Variants in RBFOX1 observed in about 807,000 individuals in gnomAD.
The protein encoded by RBFOX1 is RNA binding fox-1 homolog 1.
Under a neutral mutation model 57.7 loss-of-function variants are expected in RBFOX1, and 8 were observed. That is an observed-to-expected ratio of 0.14 (90% CI 0.08 to 0.25). The LOEUF is 0.25. Among genes scored for constraint, RBFOX1 ranks in the 10% least tolerant of loss-of-function variants. The probability of loss-of-function intolerance (pLI) is 1.00; values close to 1 mark genes in which losing one functional copy is unlikely to be tolerated. For synonymous variants in RBFOX1, 326 were observed against 222.4 expected (o/e 1.47, Z -4.15); for missense variants, 611 against 548.5 (o/e 1.11, Z -1.14).
chr16:6,092,622 C>A (rs1444619876), intron 1 of RBFOX1: 2 of 152,106 alleles, frequency 1.3e-5, no homozygotes, highest in African/African-American at 2.4e-5. Flanking sequence ...GTCAGTTATC[C>A]CAGTACCATT....
intron 1 of RBFOX1, among the ~76,000 whole-genome samples, chr16:6,074,901 G>T (rs548197056): frequency 6.6e-6 from 1 of 152,198 alleles, no homozygotes; most frequent in African/African-American, 2.4e-5. Context: ...AGGACTTTGA[G>T]ACCAGCCTAG....
intron 3 of RBFOX1, among the ~76,000 whole-genome samples, chr16:5,707,788 A>T (rs550204692): frequency 6.6e-6 from 1 of 152,334 alleles, no homozygotes; most frequent in South Asian, 2.1e-4. Flanking sequence ...GACATGGTGG[A>T]ATACTTGCTG....
intron 2 of RBFOX1, among the ~76,000 whole-genome samples, chr16:5,491,935 TG>T (rs1215649107): frequency 1.3e-5 from 2 of 152,222 alleles, no homozygotes; most frequent in African/African-American, 2.4e-5. Flanking sequence ...TAAGTTGGTC[TG>T]GGGTGGGGCC....
chr16:7,647,273 C>T (rs976210459), intron 11 of RBFOX1, among the ~76,000 whole-genome samples: 1 of 152,170 alleles, frequency 6.6e-6, no homozygotes, highest in Admixed American at 6.5e-5. Context: ...TTGGTATTTT[C>T]TCTGAAAGCT....
intron 4 of RBFOX1, among the ~76,000 whole-genome samples, chr16:7,190,221 C>T (rs868281719): frequency 9.9e-5 from 15 of 152,078 alleles, no homozygotes; most frequent in African/African-American, 3.4e-4. Flanking sequence ...ATTACCCAGG[C>T]ATGGTGGCAC....
At chr16:5,533,418 G>T (rs976395681) in intron 2 of RBFOX1, among the ~76,000 whole-genome samples, 1 of 152,200 alleles carries the variant, frequency 6.6e-6, no homozygotes, top group Non-Finnish European at 1.5e-5. Context: ...CATCACTGGG[G>T]AAGGGGTGAT....
rs949210022 is a variant in RBFOX1 at position 5,947,360 on chromosome 16, A to G, written c.351+80025A>G. Among the ~76,000 whole-genome samples the G allele has an allele frequency of 3.3e-5, 5 of 152,182 alleles. No homozygotes were observed. Among genetic ancestry groups the G allele is most frequent in the African/African-American group, 1.2e-4 (5 of 41,448 alleles). ...TTACAACCATGTGTTCTACATTGCA[A>G]TGACAGATTTTTGTTCTGTTTTGTT... On this transcript the variant is annotated intron_variant, in intron 4 of 19. Coordinates refer to the RBFOX1 transcript ENST00000641259. This position sits in a 1 kb window ranked among gnomAD's most constrained non-coding sequence, Gnocchi z 7.2.
chr16:6,893,866 A>C (rs561077684), intron 3 of RBFOX1, among the ~76,000 whole-genome samples: 7 of 152,298 alleles, frequency 4.6e-5, no homozygotes, highest in African/African-American at 1.4e-4. Flanking sequence ...TTGTATGGGG[A>C]ATAGTTTAGG....
intron 4 of RBFOX1, among the ~76,000 whole-genome samples, chr16:7,358,542 T>C (rs1325953297): frequency 2.6e-5 from 4 of 152,182 alleles, no homozygotes; most frequent in Non-Finnish European, 5.9e-5. Flanking sequence ...TGCCTCAGCC[T>C]CCCTAGCAGC....
intron 4 of RBFOX1, among the ~76,000 whole-genome samples, chr16:7,137,008 T>A (rs180684654): frequency 2.6e-5 from 4 of 152,316 alleles, no homozygotes; most frequent in African/African-American, 9.6e-5. Flanking sequence ...TTTATTTCAG[T>A]CTTTTGTTTG....
chr16:5,761,311 T>G (rs2053581345), intron 3 of RBFOX1, among the ~76,000 whole-genome samples: 1 of 152,148 alleles, frequency 6.6e-6, no homozygotes, highest in Non-Finnish European at 1.5e-5. Flanking sequence ...TTTAAAATGG[T>G]TTTCTAGCCA....
chr16:7,328,931 A>G (rs2096648433), intron 4 of RBFOX1: 1 of 152,198 alleles, frequency 6.6e-6, no homozygotes, highest in Non-Finnish European at 1.5e-5. Context: ...TCTTCGAGGT[A>G]AGAATGGTGT....
chr16:7,246,843 G>A (rs1214063476), intron 4 of RBFOX1, among the ~76,000 whole-genome samples: 1 of 152,034 alleles, frequency 6.6e-6, no homozygotes, highest in Non-Finnish European at 1.5e-5. Flanking sequence ...ACAGCATAAA[G>A]GCTTCAGAGT....
chr16:7,351,379 C>A (rs542188603), intron 4 of RBFOX1, among the ~76,000 whole-genome samples: 1 of 152,258 alleles, frequency 6.6e-6, no homozygotes, highest in Admixed American at 6.5e-5. Context: ...ATCACCACTA[C>A]GTGCAAGGCA....
chr16:7,115,891 A>T (rs1599921139), intron 4 of RBFOX1, among the ~76,000 whole-genome samples: 1 of 152,256 alleles, frequency 6.6e-6, no homozygotes, highest in South Asian at 2.1e-4. Flanking sequence ...TGAGAAAAGC[A>T]TAAAATAGCA....
intron 3 of RBFOX1, among the ~76,000 whole-genome samples, chr16:6,778,864 GT>G (rs147698093): frequency 6.3e-4 from 93 of 148,562 alleles, no homozygotes; most frequent in African/African-American, 8.1e-4. Flanking sequence ...ACACACTCTA[GT>G]TTTTTTTTTA....
intron 3 of RBFOX1, among the ~76,000 whole-genome samples, chr16:6,790,169 C>CTATTATTATGATTAT (rs2082666223): frequency 7.1e-6 from 1 of 141,544 alleles, no homozygotes; most frequent in Non-Finnish European, 1.5e-5. Context: ...TTATTTTATT[C>CTATTATTATGATTAT]TATTATTATT....
At chr16:7,007,438 G>T (rs938483356) in intron 3 of RBFOX1, among the ~76,000 whole-genome samples, 3 of 152,132 alleles carry the variant, frequency 2.0e-5, no homozygotes, top group Non-Finnish European at 4.4e-5. Flanking sequence ...AGTCATCTCC[G>T]TATTTTTAGG....
intron 1 of RBFOX1, among the ~76,000 whole-genome samples, chr16:5,316,369 G>A (rs1250472037): frequency 6.6e-6 from 1 of 152,204 alleles, no homozygotes; most frequent in Admixed American, 6.5e-5. Context: ...GTGTGCCTGT[G>A]TGTCTAGTGC....
Sources: gnomAD v4.1 joint callset for allele counts (sites outside exome capture counted in the v4.1 genomes callset) on GRCh38, gnomAD v4.1.1 for gene constraint, Gnocchi (gnomAD v3.1) non-coding constraint, MANE v1.5 for transcripts, NCBI Gene and HGNC (gene_info 2026-07-23, HGNC 2026-07-21) for gene names.